The following SESN1 variants were observed in gnomAD, a reference collection of about 807,000 sequenced individuals.
The protein encoded by SESN1 is sestrin 1.
SESN1 carries 30 observed loss-of-function variants against 59.3 expected under a neutral mutation model. The ratio of observed to expected loss-of-function variants is 0.51; its 90% CI spans 0.38 to 0.69. The LOEUF (loss-of-function observed/expected upper bound fraction) is 0.69, where lower values mean the gene tolerates loss of function less well. SESN1 is among the 30% of genes least tolerant of loss of function. SESN1 has a pLI of 0.00. For missense variants in SESN1, 566 were observed against 673.0 expected (o/e 0.84, Z 1.76); for synonymous variants, 197 against 219.9 (o/e 0.90, Z 0.92).
At chr6:109,042,266 A>G (rs888716506) in intron 1 of SESN1, among the ~76,000 whole-genome samples, 5 of 152,154 alleles carry the variant, frequency 3.3e-5, no homozygotes, top group African/African-American at 9.6e-5. Context: ...AAATTCAAAT[A>G]AATGATCTAA....
At chr6:109,061,730 G>A (rs1394231089) in intron 1 of SESN1, among the ~76,000 whole-genome samples, 1 of 152,140 alleles carries the variant, frequency 6.6e-6, no homozygotes, top group Non-Finnish European at 1.5e-5. Flanking sequence ...CTTGAGCCCA[G>A]GAGGCAGAGG....
chr6:109,064,626 A>G (rs1325717800), intron 1 of SESN1, among the ~76,000 whole-genome samples: 1 of 5,216 alleles, frequency 1.9e-4, no homozygotes, highest in African/African-American at 1.0e-3. Flanking sequence ...AGGGGAGGGG[A>G]GGGGAGGGGA....
intron 1 of SESN1, among the ~76,000 whole-genome samples, chr6:109,073,747 T>G (rs1780978542): frequency 1.3e-5 from 2 of 152,356 alleles, no homozygotes; most frequent in African/African-American, 4.8e-5. Flanking sequence ...GTATATACCA[T>G]ATTAGAAGAG....
At chr6:109,043,603 AAAG>A (rs1780376204) in intron 1 of SESN1, among the ~76,000 whole-genome samples, 1 of 152,184 alleles carries the variant, frequency 6.6e-6, no homozygotes, top group African/African-American at 2.4e-5. Context: ...TTTGAAATTA[AAAG>A]AATTACAATA....
chr6:109,061,356 T>C (rs1780728334), intron 1 of SESN1, among the ~76,000 whole-genome samples: 1 of 152,206 alleles, frequency 6.6e-6, no homozygotes, highest in Non-Finnish European at 1.5e-5. Context: ...GTGTATAACA[T>C]GTAAAATAAA....
chr6:109,090,064 T>G (rs897936171), intron 1 of SESN1, among the ~76,000 whole-genome samples: 2 of 152,228 alleles, frequency 1.3e-5, no homozygotes, highest in East Asian at 3.9e-4. Context: ...GGTTTCTGCC[T>G]AGTAATAGCA....
chr6:109,084,000 AGTAAG>A (rs1236544218), intron 1 of SESN1, among the ~76,000 whole-genome samples: 1 of 152,236 alleles, frequency 6.6e-6, no homozygotes, highest in Non-Finnish European at 1.5e-5. Context: ...GCTCACTTTT[AGTAAG>A]GTAAAGATTC....
Position 108,985,177 on chromosome 6 carries a change from C to T in SESN1, c.*2367G>A, listed in dbSNP as rs1055311778. On this transcript the variant is annotated 3_prime_UTR_variant, in exon 10 of 10. Transcript: ENST00000436639. ...ATATTGATAAAAAGTGCTTATCCAA[C>T]AAGTTTTACTTATCTACTTATCTCC... Among the ~76,000 whole-genome samples, 1 of 152,142 alleles carries T rather than the reference C, an allele frequency of 6.6e-6. No homozygotes were observed. The highest frequency in any genetic ancestry group is 2.4e-5 in the African/African-American group (1 of 41,426).
chr6:109,064,315 A>G (rs1191696058), intron 1 of SESN1, among the ~76,000 whole-genome samples: 1 of 151,936 alleles, frequency 6.6e-6, no homozygotes, highest in Non-Finnish European at 1.5e-5. Flanking sequence ...CTCAGAGTCA[A>G]TAAATCTAAA....
chr6:109,087,472 G>A (rs1309559877), intron 1 of SESN1, among the ~76,000 whole-genome samples: 1 of 152,160 alleles, frequency 6.6e-6, no homozygotes, highest in African/African-American at 2.4e-5. Context: ...TCAAAGACAC[G>A]AATGAGAGGA....
At chr6:109,009,558 G>C (rs1383481865) in intron 1 of SESN1, 13 of 1,126,456 alleles carry the variant, frequency 1.2e-5, no homozygotes, top group Admixed American at 4.9e-5. Flanking sequence ...CGGACGGCGG[G>C]GGGGCGGGGC....
Position 109,094,094 on chromosome 6 carries a change from G to T in SESN1, c.-21C>A. ...GCCATGACAATAGTTTTTCCTTTGC[G>T]GTCTTCAGTTACCTTTCAGCATGCC... On this transcript the variant is annotated 5_prime_UTR_variant, in exon 1 of 10. Coordinates refer to ENST00000436639, the MANE Select transcript of SESN1 (RefSeq NM_014454.3). 6.3e-7 allele frequency: 1 copy of T among 1,595,946 alleles called. No individual in the cohort carries two copies. The highest frequency in any genetic ancestry group is 8.6e-7 in the Non-Finnish European group (1 of 1,168,848).
Position 109,033,706 on chromosome 6 carries a change from T to C in SESN1, c.280-31363A>G, listed in dbSNP as rs180949199. 3.0e-3 allele frequency among the ~76,000 whole-genome samples: 456 copies of C among 152,254 alleles called. 4 individuals are homozygous for C. The highest frequency in any genetic ancestry group is 0.01 in the African/African-American group (432 of 41,546). On this transcript the variant is annotated intron_variant, in intron 1 of 9. Coordinates refer to ENST00000436639, the MANE Select transcript of SESN1 (RefSeq NM_014454.3). Reference sequence around the variant, plus strand: ...ATAGGACAGTTCTAAGAGCAAAATTTGATAATATGAAAACTGCTAGAAACA... The same window carrying C: ...ATAGGACAGTTCTAAGAGCAAAATTCGATAATATGAAAACTGCTAGAAACA...
chr6:109,061,132 TG>T (rs1266691110), intron 1 of SESN1, among the ~76,000 whole-genome samples: 2 of 152,202 alleles, frequency 1.3e-5, no homozygotes, highest in Non-Finnish European at 2.9e-5. Flanking sequence ...GACTTTAAAA[TG>T]TACATAATCT....
At chr6:109,068,483 G>A (rs1301456398) in intron 1 of SESN1, among the ~76,000 whole-genome samples, 1 of 151,852 alleles carries the variant, frequency 6.6e-6, no homozygotes, top group African/African-American at 2.4e-5. Flanking sequence ...ATAAGTTCAG[G>A]GAACTCTCCA....
At chr6:109,000,458 A>G in intron 4 of SESN1, 33 bp downstream of exon 4, 1 of 1,410,554 alleles carries the variant, frequency 7.1e-7, no homozygotes, top group Non-Finnish European at 9.3e-7. Context: ...AAAGTCTGAA[A>G]TGACTCCCAA....
chr6:109,000,840 C>T (rs760222933), intron 3 of SESN1, among the ~76,000 whole-genome samples, 167 bp from the exon 4 acceptor site: 41 of 152,060 alleles, frequency 2.7e-4, no homozygotes, highest in Admixed American at 8.5e-4. Flanking sequence ...AATTCAAATA[C>T]TGTAAGAACC....
intron 1 of SESN1, among the ~76,000 whole-genome samples, chr6:109,045,269 A>G (rs1780409995): frequency 6.6e-6 from 1 of 151,156 alleles, no homozygotes; most frequent in Non-Finnish European, 1.5e-5. Context: ...CAACCCCATC[A>G]AAACAGTCCC....
intron 1 of SESN1, among the ~76,000 whole-genome samples, chr6:109,075,703 G>A (rs1010169986): frequency 6.6e-6 from 1 of 152,172 alleles, no homozygotes; most frequent in African/African-American, 2.4e-5. Flanking sequence ...AGCTTTATAG[G>A]AGACCCTGAA....
Sources: gnomAD v4.1 joint callset for allele counts (sites outside exome capture counted in the v4.1 genomes callset) on GRCh38, gnomAD v4.1.1 for gene constraint, MANE v1.5 for transcripts, NCBI Gene and HGNC (gene_info 2026-07-23, HGNC 2026-07-21) for gene names.